The following DOP1B variants were observed in gnomAD, a reference collection of about 807,000 sequenced individuals.
The protein encoded by DOP1B is DOP1 leucine zipper like protein B, also known as protein DOP1B.
Under a neutral mutation model 233.5 loss-of-function variants are expected in DOP1B, and 174 were observed. That is an observed-to-expected ratio of 0.75 (90% CI 0.66 to 0.85). The LOEUF (loss-of-function observed/expected upper bound fraction) is 0.85. DOP1B is among the 40% of genes least tolerant of loss of function. The pLI, the probability that DOP1B is intolerant of heterozygous loss-of-function variation, is 0.00. For synonymous variants in DOP1B, 1,190 were observed against 1,185.6 expected (o/e 1.00, Z -0.08); for missense variants, 2,652 against 2,846.6 (o/e 0.93, Z 1.56).
intron 18 of DOP1B, among the ~76,000 whole-genome samples, chr21:36,242,147 TG>T (rs2066899110): frequency 6.8e-6 from 1 of 147,946 alleles, no homozygotes. Context: ...CACAGTTCCT[TG>T]GGCATTATTA....
At chr21:36,269,991 C>A (rs1206823511) in intron 26 of DOP1B, 22 bp from the exon 27 acceptor site, 22 of 1,613,004 alleles carry the variant, frequency 1.4e-5, no homozygotes, top group Non-Finnish European at 1.7e-5. Context: ...CTTCCTTTCC[C>A]CCTCCTCCTG....
intron 17 of DOP1B, among the ~76,000 whole-genome samples, chr21:36,239,140 C>T (rs191654233): frequency 4.7e-4 from 72 of 152,230 alleles, no homozygotes; most frequent in African/African-American, 1.7e-3. Context: ...ATGACCCCTC[C>T]GAGCACAGCC....
chr21:36,287,017 G>A (rs984608226), intron 32 of DOP1B, among the ~76,000 whole-genome samples: 2 of 151,754 alleles, frequency 1.3e-5, no homozygotes, highest in African/African-American at 4.8e-5. Context: ...TACTACAGCC[G>A]ATCTTAGCTA....
chr21:36,169,540 G>C lies in DOP1B; in HGVS notation c.138+4669G>C. ...TCACCCCGATGATGTCGATCATCTC[G>C]TCCAGCCCAAACGCTTGGTTCACAG... is the stretch of plus-strand genomic sequence containing the variant. On this transcript the variant is annotated intron_variant, in intron 2 of 36. Coordinates refer to ENST00000691173, the MANE Select transcript of DOP1B (RefSeq NM_001320714.2). 2.7e-6 allele frequency: 3 copies of C among 1,120,570 alleles called. No homozygotes were observed. The Admixed American group carries it at 5.3e-5, about 20-fold the overall frequency. The allele number at this position is 1,120,570 out of a possible 1,614,324, so 69.4% of individuals were successfully genotyped here. A position where few individuals can be genotyped will look rare whatever the true frequency, so the allele number is the denominator to read the frequency against.
chr21:36,261,287 C>G, intron 24 of DOP1B: 2 of 965,870 alleles, frequency 2.1e-6, no homozygotes, highest in Non-Finnish European at 2.5e-6. Context: ...ATTGCATGAA[C>G]CCAGGAGGCG....
intron 2 of DOP1B, among the ~76,000 whole-genome samples, chr21:36,165,407 TGCATGTGTGTGCATACGTGTGTGC>T (rs2065900206): frequency 1.3e-5 from 2 of 152,106 alleles, no homozygotes; most frequent in Non-Finnish European, 2.9e-5. Flanking sequence ...TGTGTGTGTG[TGCATGTGTGTGCATACGTGTGTGC>T]ATGTGTGTGT....
chr21:36,217,189 G>A lies in DOP1B; in HGVS notation c.1130-2183G>A, dbSNP rs377084395. On this transcript the variant is annotated intron_variant, in intron 9 of 36. Coordinates refer to ENST00000691173, the MANE Select transcript of DOP1B (RefSeq NM_001320714.2). ...AAAAGCACAGAGCATCTGCCATGTG[G>A]CAGGGATGGTGCCAGCTCTAGGGGG... 7.2e-5 allele frequency among the ~76,000 whole-genome samples: 11 copies of A among 152,312 alleles called. 1 individual carries two copies. The East Asian group carries it at 1.5e-3, about 21-fold the overall frequency.
In DOP1B at chr21:36,246,571, G is replaced by A. The variant is rs767936629; in HGVS notation, c.4591G>A (p.Gly1531Arg). The A allele has an allele frequency of 1.4e-5, 23 of 1,613,998 alleles. No individual in the cohort carries two copies. The highest frequency in any genetic ancestry group is 2.7e-5 in the African/African-American group (2 of 74,908). The change falls in exon 19 of 37, where the codon GGA (glycine) becomes AGA (arginine). Residue 1531 changes from glycine to arginine, a missense_variant. By Grantham distance (125) the Gly-to-Arg change is moderately radical (BLOSUM62 -2). Coordinates refer to ENST00000691173, the MANE Select transcript of DOP1B (RefSeq NM_001320714.2). This position sits in a 1 kb window ranked among gnomAD's most constrained non-coding sequence, Gnocchi z 5.1. ...SLVTHSLPYF[G>R]KSLGWTVTPF... ...GGTCACGCATTCCTTGCCCTACTTCGGAAAGTCCCTGGGCTGGACGGTGAC... is the reference window on the plus strand; with the variant it reads ...GGTCACGCATTCCTTGCCCTACTTCAGAAAGTCCCTGGGCTGGACGGTGAC...
chr21:36,260,838 T>G, intron 24 of DOP1B, 106 bp downstream of exon 24: 1 of 1,559,724 alleles, frequency 6.4e-7, no homozygotes, highest in Non-Finnish European at 8.6e-7. Flanking sequence ...TAGAGAGCCA[T>G]TGTTCAGAAA....
chr21:36,194,764 G>C (rs2066269930), intron 2 of DOP1B, among the ~76,000 whole-genome samples: 1 of 152,084 alleles, frequency 6.6e-6, no homozygotes, highest in Non-Finnish European at 1.5e-5. Context: ...TGAGATTACA[G>C]GCGTGAGCCA....
intron 18 of DOP1B, among the ~76,000 whole-genome samples, chr21:36,243,778 C>T (rs2066920783): frequency 6.6e-6 from 1 of 151,510 alleles, no homozygotes; most frequent in African/African-American, 2.4e-5. Flanking sequence ...GCTCAAGAGA[C>T]CCTCCTGCCT....
Position 36,201,446 on chromosome 21 carries a change from CA to C in DOP1B, c.491+947del, listed in dbSNP as rs559018910. Among the ~76,000 whole-genome samples the C allele has an allele frequency of 4.9e-3, 713 of 145,148 alleles. 4 individuals carry two copies. The highest frequency in any genetic ancestry group is 0.017 in the African/African-American group (652 of 39,204). On this transcript the variant is annotated intron_variant, in intron 4 of 36. Coordinates refer to ENST00000691173, the MANE Select transcript of DOP1B (RefSeq NM_001320714.2). ...CACTACAACCTCCGCCTCCTGGGTT[CA>C]AGTGATTCTCCCGCCGCAGCCTCCC...
In DOP1B at chr21:36,246,169, A is replaced by C; in HGVS notation, c.4189A>C (p.Thr1397Pro). The stretch of plus-strand genomic sequence containing the variant: ...GCTCTCCCTGTCGGCGTCCATGTAC[A>C]CGAGCCAGAAGCGCTACGGGCTGGC... ...VLLSLSASMYTSQKRYGLATA... is the reference protein window; with the variant it reads ...VLLSLSASMYPSQKRYGLATA... Residue 1397 changes from threonine to proline, a missense_variant, in exon 19 of 37, where the codon ACG becomes CCG. Physicochemically the swap from Thr to Pro is conservative, Grantham distance 38 (BLOSUM62 -1). Transcript: ENST00000691173. This position sits in a 1 kb window ranked among gnomAD's most constrained non-coding sequence, Gnocchi z 5.1. 6.2e-7 allele frequency: 1 copy of C among 1,613,674 alleles called. No homozygotes were observed. The highest frequency in any genetic ancestry group is 8.5e-7 in the Non-Finnish European group (1 of 1,180,008).
chr21:36,274,490 T>G (rs563625183), intron 27 of DOP1B, among the ~76,000 whole-genome samples: 1 of 152,148 alleles, frequency 6.6e-6, no homozygotes, highest in Non-Finnish European at 1.5e-5. Context: ...TCGGAAATGA[T>G]GGAAAAGAGA....
At chr21:36,209,591 C>G (rs2066469231) in intron 5 of DOP1B, among the ~76,000 whole-genome samples, 1 of 152,086 alleles carries the variant, frequency 6.6e-6, no homozygotes, top group African/African-American at 2.4e-5. Flanking sequence ...CATGGAAACC[C>G]CCTCCTCCCT....
intron 22 of DOP1B, 135 bp from the exon 23 acceptor site, chr21:36,253,637 C>CAAAGA: frequency 2.5e-6 from 2 of 794,270 alleles, no homozygotes; most frequent in Non-Finnish European, 3.5e-6. Flanking sequence ...GACCGTGTTT[C>CAAAGA]AAAAAAAAAA....
intron 23 of DOP1B, among the ~76,000 whole-genome samples, chr21:36,254,185 G>A (rs1433971730): frequency 2.6e-5 from 4 of 152,008 alleles, no homozygotes; most frequent in African/African-American, 7.2e-5. Flanking sequence ...ATGGGTTAGC[G>A]CCTTCTGGGC....
intron 18 of DOP1B, 122 bp from the exon 19 acceptor site, chr21:36,244,926 T>C: frequency 1.0e-6 from 1 of 1,000,926 alleles, no homozygotes; most frequent in Non-Finnish European, 1.4e-6. Flanking sequence ...TGGTGGTGTT[T>C]CATGTGAGAA....
At chr21:36,282,671 C>T (rs2067430990) in intron 32 of DOP1B, among the ~76,000 whole-genome samples, 1 of 151,850 alleles carries the variant, frequency 6.6e-6, no homozygotes, top group African/African-American at 2.4e-5. Flanking sequence ...CATTCTTTGA[C>T]TGCATCAAAA....
Sources: allele counts gnomAD v4.1 joint callset (sites outside exome capture counted in the v4.1 genomes callset), GRCh38; gene constraint gnomAD v4.1.1; non-coding constraint Gnocchi (gnomAD v3.1); transcripts MANE v1.5; gene names NCBI Gene and HGNC (gene_info 2026-07-23, HGNC 2026-07-21).